Variants in KLHDC4 observed in about 807,000 individuals in gnomAD.
The protein encoded by KLHDC4 is kelch domain containing 4.
In KLHDC4, 90 loss-of-function variants were observed where a neutral mutation model predicts 62.4. That is an observed-to-expected ratio of 1.44 (90% CI 1.22 to 1.72). KLHDC4 has a LOEUF of 1.72. KLHDC4 is among the 40% of genes most tolerant of loss of function. The probability of loss-of-function intolerance (pLI) is 0.00; values close to 1 mark genes in which losing one functional copy is unlikely to be tolerated. For missense variants in KLHDC4, 1,025 were observed against 699.7 expected (o/e 1.47, Z -5.25); for synonymous variants, 386 against 284.4 (o/e 1.36, Z -3.59).
intron 1 of KLHDC4, among the ~76,000 whole-genome samples, chr16:87,764,830 CAAAAA>C (rs35356541): frequency 5.0e-5 from 4 of 80,504 alleles, no homozygotes; most frequent in African/African-American, 1.3e-4. Flanking sequence ...AAGACTCTGT[CAAAAA>C]AAAAAAAAAA....
chr16:87,711,175 T>C (rs1261696075), intron 9 of KLHDC4, 60 bp downstream of exon 9: 17 of 1,571,964 alleles, frequency 1.1e-5, no homozygotes, highest in Middle Eastern at 3.4e-4. Context: ...AAGGCAGTGG[T>C]GGCAGGGACC....
chr16:87,708,253 AT>A, intron 11 of KLHDC4, 96 bp downstream of exon 11: 1 of 882,252 alleles, frequency 1.1e-6, no homozygotes, highest in Non-Finnish European at 1.7e-6. Flanking sequence ...TTTTTAAAAA[AT>A]TTACAAAGCT....
At chr16:87,740,278 C>G (rs2042044397) in intron 5 of KLHDC4, among the ~76,000 whole-genome samples, 1 of 152,150 alleles carries the variant, frequency 6.6e-6, no homozygotes, top group Admixed American at 6.5e-5. Flanking sequence ...CTCCAGTGAT[C>G]CCACCCGACA....
Position 87,714,381 on chromosome 16 carries a change from G to A in KLHDC4, c.835+117C>T, listed in dbSNP as rs370683882. 8.8e-5 allele frequency: 49 copies of A among 558,000 alleles called. No homozygotes were observed. The East Asian group carries it at 3.0e-3, about 34-fold the overall frequency. The allele number at this position is 558,000 out of a possible 1,614,324, so 34.6% of individuals were successfully genotyped here. A position where few individuals can be genotyped will look rare whatever the true frequency, so the allele number is the denominator to read the frequency against. ...AATGAGCCATCTCGGCAGGCCCTCC[G>A]CTCCGGGCAGGGTGCAGGGGCTCAC... is the stretch of plus-strand genomic sequence containing the variant. On this transcript the variant is annotated intron_variant, in intron 8 of 11. Transcript: ENST00000270583.
intron 5 of KLHDC4, among the ~76,000 whole-genome samples, chr16:87,743,667 G>C (rs925651131): frequency 6.6e-6 from 1 of 151,922 alleles, no homozygotes; most frequent in Non-Finnish European, 1.5e-5. Context: ...GTGAACCCAG[G>C]AGGCGGAGCT....
intron 7 of KLHDC4, among the ~76,000 whole-genome samples, chr16:87,721,608 C>G (rs74039491): frequency 0.044 from 6,654 of 152,120 alleles, 465 homozygotes; most frequent in African/African-American, 0.15. Context: ...AGCTCTGGCT[C>G]CGAGGTCAGC....
chr16:87,744,989 G>GCAA (rs10625440), intron 5 of KLHDC4, among the ~76,000 whole-genome samples: 1 of 21,222 alleles, frequency 4.7e-5, no homozygotes, highest in Non-Finnish European at 8.3e-5. Flanking sequence ...GCACACACGC[G>GCAA]GTGCACACAC....
chr16:87,738,381 C>G lies in KLHDC4; in HGVS notation c.507-7737G>C, dbSNP rs116077441. On this transcript the variant is annotated intron_variant, in intron 5 of 11. Transcript: ENST00000270583. Reference sequence around the variant, plus strand: ...TGCACACACACACACACACACACATCTATATCTTCATCCAACCAAACAGTA... The same window carrying G: ...TGCACACACACACACACACACACATGTATATCTTCATCCAACCAAACAGTA... 4.8e-3 allele frequency among the ~76,000 whole-genome samples: 708 copies of G among 148,408 alleles called. 5 individuals carry two copies. The highest frequency in any genetic ancestry group is 0.014 in the African/African-American group (572 of 39,534).
At chr16:87,713,188 C>T (rs924434556) in intron 8 of KLHDC4, among the ~76,000 whole-genome samples, 28 of 152,088 alleles carry the variant, frequency 1.8e-4, no homozygotes, top group Non-Finnish European at 2.9e-4. Flanking sequence ...TGCGCCAGCA[C>T]ACCTGGCTAC....
intron 2 of KLHDC4, 109 bp from the exon 3 acceptor site, chr16:87,756,586 C>T: frequency 1.3e-6 from 1 of 766,398 alleles, no homozygotes; most frequent in South Asian, 1.6e-5. Flanking sequence ...TGCCTCTACA[C>T]TTCCTGAAAG....
At chr16:87,760,468 T>G (rs1031951491) in intron 2 of KLHDC4, among the ~76,000 whole-genome samples, 30 of 151,008 alleles carry the variant, frequency 2.0e-4, no homozygotes, top group African/African-American at 7.3e-4. Context: ...TTAGCCAGGC[T>G]TGGTGGCGGG....
intron 1 of KLHDC4, among the ~76,000 whole-genome samples, chr16:87,763,854 A>G (rs1004833254): frequency 2.0e-5 from 3 of 152,212 alleles, no homozygotes; most frequent in African/African-American, 7.2e-5. Flanking sequence ...CAGCCTCTCC[A>G]AAGTGACAAT....
chr16:87,727,767 G>A (rs911722564), intron 6 of KLHDC4, among the ~76,000 whole-genome samples: 4 of 152,214 alleles, frequency 2.6e-5, no homozygotes, highest in Non-Finnish European at 5.9e-5. Flanking sequence ...TTTAAGGAAA[G>A]CATGGAAGAG....
At chr16:87,757,593 CATA>C (rs1231197403) in intron 2 of KLHDC4, 2 of 151,736 alleles carry the variant, frequency 1.3e-5, no homozygotes, top group Admixed American at 6.6e-5. Flanking sequence ...AAGGAAATTA[CATA>C]ATAATATTAT....
At chr16:87,714,450 CCA>C (rs2036529670) in intron 8 of KLHDC4, 46 bp downstream of exon 8, 5 of 1,610,698 alleles carry the variant, frequency 3.1e-6, no homozygotes, top group Admixed American at 1.7e-5. Context: ...CTGCCTCCCG[CCA>C]CACACAGACC....
chr16:87,724,073 A>T (rs901916987), intron 7 of KLHDC4, among the ~76,000 whole-genome samples: 11 of 152,024 alleles, frequency 7.2e-5, no homozygotes, highest in Non-Finnish European at 1.5e-5. Context: ...CCTGACCTCG[A>T]GTGATCCGCC....
At chr16:87,701,546 G>A (rs956838921) in exon 1 of KLHDC4, 2 of 395,730 alleles carry the variant, frequency 5.1e-6, no homozygotes, top group Non-Finnish European at 1.0e-5. Flanking sequence ...GTGTGGGCGT[G>A]AGCTCACCCC....
At chr16:87,737,073 C>T (rs575680710) in intron 5 of KLHDC4, among the ~76,000 whole-genome samples, 63 of 121,804 alleles carry the variant, frequency 5.2e-4, no homozygotes, top group Admixed American at 9.2e-4. Context: ...TGCAGTGACC[C>T]GAGATGGCGC....
At chr16:87,751,988 T>C (rs1248333204) in intron 4 of KLHDC4, among the ~76,000 whole-genome samples, 2 of 142,984 alleles carry the variant, frequency 1.4e-5, no homozygotes, top group Non-Finnish European at 3.0e-5. Flanking sequence ...GGCAGGAGAA[T>C]GGCATGAACC....
Sources: allele counts gnomAD v4.1 joint callset (sites outside exome capture counted in the v4.1 genomes callset), GRCh38; gene constraint gnomAD v4.1.1; transcripts MANE v1.5; gene names NCBI Gene and HGNC (gene_info 2026-07-23, HGNC 2026-07-21).